Variants in SLC25A21 observed in about 807,000 individuals in gnomAD.
The protein encoded by SLC25A21 is mitochondrial 2-oxodicarboxylate carrier.
Under a neutral mutation model 43.8 loss-of-function variants are expected in SLC25A21, and 47 were observed. The ratio of observed to expected loss-of-function variants is 1.07; its 90% confidence interval spans 0.85 to 1.37. SLC25A21 has a LOEUF of 1.37. Among genes scored for constraint, SLC25A21 ranks in the 40% most tolerant of loss-of-function variants. The pLI is 0.00. For synonymous variants in SLC25A21, 131 were observed against 121.3 expected, an observed-to-expected ratio of 1.08 and a Z score of -0.52; for missense variants, 352 against 350.2, an observed-to-expected ratio of 1.00 and a Z score of -0.04.
intron 2 of SLC25A21, among the ~76,000 whole-genome samples, chr14:36,835,604 A>T (rs1889182564): frequency 6.6e-6 from 1 of 152,206 alleles, no homozygotes; most frequent in Admixed American, 6.5e-5. Flanking sequence ...ACTCTCCCCA[A>T]AACACAAAGG....
intron 1 of SLC25A21, among the ~76,000 whole-genome samples, chr14:37,014,083 T>C (rs1272621797): frequency 6.6e-6 from 1 of 152,100 alleles, no homozygotes; most frequent in African/African-American, 2.4e-5. Flanking sequence ...GGGTCTTGCC[T>C]TCACATTGGT....
chr14:36,699,906 G>A (rs957650941), intron 7 of SLC25A21, among the ~76,000 whole-genome samples: 5 of 152,200 alleles, frequency 3.3e-5, no homozygotes, highest in African/African-American at 1.2e-4. Context: ...CACTTCCCGG[G>A]TGAGGCGACT....
intron 3 of SLC25A21, among the ~76,000 whole-genome samples, chr14:36,809,508 C>T (rs187221106): frequency 3.2e-4 from 49 of 152,092 alleles, no homozygotes; most frequent in African/African-American, 9.6e-4. Context: ...AATGTATTTA[C>T]GCTTTTTAAG....
At chr14:36,704,464 C>T (rs993093934) in intron 7 of SLC25A21, among the ~76,000 whole-genome samples, 1 of 152,046 alleles carries the variant, frequency 6.6e-6, no homozygotes, top group East Asian at 1.9e-4. Context: ...CGAGACCAGC[C>T]TGACCAACAC....
intron 1 of SLC25A21, among the ~76,000 whole-genome samples, chr14:37,057,218 C>T (rs774518110): frequency 7.2e-5 from 11 of 152,124 alleles, no homozygotes; most frequent in Middle Eastern, 3.2e-3. Context: ...GCAGTTTTGA[C>T]GTTCCTCACC....
intron 1 of SLC25A21, among the ~76,000 whole-genome samples, chr14:37,125,860 G>A (rs1566899344): frequency 6.6e-6 from 1 of 152,130 alleles, no homozygotes; most frequent in East Asian, 1.9e-4. Context: ...ATTGTACTGA[G>A]TAAGTGTCAA....
intron 1 of SLC25A21, among the ~76,000 whole-genome samples, chr14:36,979,333 T>TTTTTTG (rs1959962447): frequency 7.8e-6 from 1 of 128,906 alleles, no homozygotes; most frequent in African/African-American, 3.7e-5. Context: ...GTTTTTTTGG[T>TTTTTTG]TTTTTTTTTT....
In SLC25A21 at chr14:37,074,730, G is replaced by A. The variant is rs564294206; in HGVS notation, c.70+97551C>T. Among the ~76,000 whole-genome samples the A allele has an allele frequency of 2.0e-5, 3 of 152,268 alleles. No homozygotes were observed. In the East Asian group the frequency reaches 5.8e-4, roughly 29 times the overall value. On this transcript the variant is annotated intron_variant, in intron 1 of 9. Transcript: ENST00000331299. ...CACCTGTAATCCCAGCTACTCGAGA[G>A]GCTGAGGCAGGAGAACTGCTGGAAC...
intron 2 of SLC25A21, among the ~76,000 whole-genome samples, chr14:36,815,088 A>G (rs1888408046): frequency 6.6e-6 from 1 of 152,200 alleles, no homozygotes; most frequent in African/African-American, 2.4e-5. Flanking sequence ...CAAACACTGC[A>G]TGTTCTCACT....
chr14:37,021,892 A>G (rs544684369), intron 1 of SLC25A21, among the ~76,000 whole-genome samples: 1 of 152,016 alleles, frequency 6.6e-6, no homozygotes, highest in Non-Finnish European at 1.5e-5. Context: ...GATTCTAACA[A>G]GCCCAACAAA....
chr14:37,060,504 T>C (rs1961925287), intron 1 of SLC25A21, among the ~76,000 whole-genome samples: 1 of 151,560 alleles, frequency 6.6e-6, no homozygotes, highest in African/African-American at 2.4e-5. Context: ...ATCCAGGAAT[T>C]GGTTGCCAAA....
At chr14:36,791,259 C>T (rs1887475293) in intron 3 of SLC25A21, among the ~76,000 whole-genome samples, 1 of 152,182 alleles carries the variant, frequency 6.6e-6, no homozygotes. Flanking sequence ...ATTACTTTAA[C>T]TTAAAACCAC....
chr14:36,681,040 T>C (rs886722943), intron 9 of SLC25A21, among the ~76,000 whole-genome samples: 1 of 152,220 alleles, frequency 6.6e-6, no homozygotes, highest in South Asian at 2.1e-4. Context: ...TAAGGGCATG[T>C]GGCTTTCCTG....
intron 1 of SLC25A21, among the ~76,000 whole-genome samples, chr14:37,136,153 A>G (rs377719930): frequency 1.8e-4 from 27 of 152,330 alleles, no homozygotes; most frequent in African/African-American, 5.8e-4. Context: ...CTAGGGAGAC[A>G]TTCTGATCTC....
At chr14:36,694,174 G>A (rs1033178852) in intron 7 of SLC25A21, among the ~76,000 whole-genome samples, 2 of 151,254 alleles carry the variant, frequency 1.3e-5, no homozygotes, top group Non-Finnish European at 2.9e-5. Context: ...TTGGTTTTCT[G>A]TCCTTGTGAT....
intron 1 of SLC25A21, among the ~76,000 whole-genome samples, chr14:37,070,390 T>C (rs927902280): frequency 6.6e-6 from 1 of 152,226 alleles, no homozygotes; most frequent in African/African-American, 2.4e-5. Flanking sequence ...AAGTTTCTAT[T>C]CATTGTAGAC....
intron 3 of SLC25A21, among the ~76,000 whole-genome samples, chr14:36,790,860 A>G (rs1887460316): frequency 6.6e-6 from 1 of 152,168 alleles, no homozygotes; most frequent in South Asian, 2.1e-4. Context: ...TGTACTGGAA[A>G]AAAGGGGAGT....
intron 3 of SLC25A21, among the ~76,000 whole-genome samples, chr14:36,735,348 T>C (rs572981721): frequency 1.4e-4 from 22 of 152,376 alleles, no homozygotes; most frequent in Admixed American, 1.2e-3. Flanking sequence ...ATTCAAAATT[T>C]TAAATTCCTT....
intron 1 of SLC25A21, among the ~76,000 whole-genome samples, chr14:37,008,737 A>AT (rs1444990045): frequency 7.2e-5 from 11 of 151,766 alleles, no homozygotes; most frequent in Non-Finnish European, 1.6e-4. Flanking sequence ...TTAAATGCTG[A>AT]TTTTTTGTTC....
Sources: allele counts gnomAD v4.1 joint callset (sites outside exome capture counted in the v4.1 genomes callset), GRCh38; gene constraint gnomAD v4.1.1; transcripts MANE v1.5; gene names NCBI Gene and HGNC (gene_info 2026-07-23, HGNC 2026-07-21).